The following TMCO5A variants were observed in gnomAD, a reference collection of about 807,000 sequenced individuals.
The protein encoded by TMCO5A is transmembrane and coiled-coil domain-containing protein 5A.
TMCO5A carries 34 observed loss-of-function variants against 42.3 expected under a neutral mutation model. The observed-to-expected ratio is 0.80, with a 90% confidence interval of 0.61 to 1.07. The LOEUF (loss-of-function observed/expected upper bound fraction) is 1.07, where lower values mean the gene tolerates loss of function less well. Ranked by LOEUF, TMCO5A falls within the 50% of genes least tolerant of loss-of-function variation. The pLI, the probability that TMCO5A is intolerant of heterozygous loss-of-function variation, is 0.00. For synonymous variants in TMCO5A, 131 were observed against 115.6 expected (o/e 1.13, Z -0.86); for missense variants, 357 against 327.9 (o/e 1.09, Z -0.69).
intron 10 of TMCO5A, chr15:37,943,703 C>G (rs1889837317): frequency 3.3e-6 from 1 of 302,186 alleles, no homozygotes; most frequent in Non-Finnish European, 6.3e-6. Flanking sequence ...TAGAAAGAGG[C>G]CAATATAGGG....
downstream of TMCO5A, among the ~76,000 whole-genome samples, chr15:37,956,391 T>TA: frequency 6.6e-6 from 1 of 151,624 alleles, no homozygotes; most frequent in Non-Finnish European, 1.5e-5. Flanking sequence ...ATAGACGCAA[T>TA]AAAAATCATA....
intron 11 of TMCO5A, among the ~76,000 whole-genome samples, chr15:37,959,902 A>T (rs1007574877): frequency 3.9e-5 from 6 of 152,044 alleles, no homozygotes; most frequent in Admixed American, 3.9e-4. Flanking sequence ...TTGTTTTCAG[A>T]TGATATTATA....
At chr15:37,991,858 A>C in the TMCO5A span, among the ~76,000 whole-genome samples, 1 of 152,282 alleles carries the variant, frequency 6.6e-6, no homozygotes, top group Admixed American at 6.5e-5. Context: ...AAACCAACTT[A>C]AGATGGATTA....
chr15:38,012,523 CGTG>C, the TMCO5A span, among the ~76,000 whole-genome samples: 1 of 149,318 alleles, frequency 6.7e-6, no homozygotes, highest in South Asian at 2.1e-4. Flanking sequence ...TAGGAGTAGT[CGTG>C]TGTGTGTGTG....
At chr15:38,010,425 T>TCTCTCTCACACA in the TMCO5A span, among the ~76,000 whole-genome samples, 1 of 117,442 alleles carries the variant, frequency 8.5e-6, no homozygotes, top group Non-Finnish European at 1.7e-5. Context: ...CAGAGGGAGA[T>TCTCTCTCACACA]CACACACACA....
chr15:38,032,316 C>T, the TMCO5A span, among the ~76,000 whole-genome samples: 4 of 152,170 alleles, frequency 2.6e-5, no homozygotes, highest in Non-Finnish European at 5.9e-5. Flanking sequence ...CCATCTGCCC[C>T]ACCAGATCAG....
chr15:37,996,314 G>A, the TMCO5A span, among the ~76,000 whole-genome samples: 2 of 152,146 alleles, frequency 1.3e-5, no homozygotes, highest in Admixed American at 1.3e-4. Context: ...AAGTGTTGCT[G>A]GGAATGAAAG....
chr15:37,954,418 T>C (rs183504655), downstream of TMCO5A, among the ~76,000 whole-genome samples: 10 of 152,220 alleles, frequency 6.6e-5, no homozygotes, highest in African/African-American at 1.4e-4. Context: ...AAATGCTAGA[T>C]GAAATAAACA....
At chr15:38,015,648 AACCAAGATGGC>A in the TMCO5A span, among the ~76,000 whole-genome samples, 3 of 152,254 alleles carry the variant, frequency 2.0e-5, no homozygotes, top group African/African-American at 7.2e-5. Context: ...GCTTGGAAGC[AACCAAGATGGC>A]GTTCAGTAGG....
At chr15:38,011,078 C>T in the TMCO5A span, among the ~76,000 whole-genome samples, 1 of 152,204 alleles carries the variant, frequency 6.6e-6, no homozygotes, top group Non-Finnish European at 1.5e-5. Context: ...TGTGACAAAA[C>T]TTAGTTACTT....
the TMCO5A span, among the ~76,000 whole-genome samples, chr15:38,036,571 C>T: frequency 6.6e-6 from 1 of 151,964 alleles, no homozygotes; most frequent in East Asian, 1.9e-4. Context: ...TCACTATTCT[C>T]AAACCAGCCA....
chr15:37,958,992 C>G (rs1400675339), intron 11 of TMCO5A, among the ~76,000 whole-genome samples: 1 of 151,852 alleles, frequency 6.6e-6, no homozygotes, highest in Non-Finnish European at 1.5e-5. Context: ...AGCTGGAAAC[C>G]ATCATTCTCA....
At chr15:38,033,618 T>A in the TMCO5A span, among the ~76,000 whole-genome samples, 1 of 143,428 alleles carries the variant, frequency 7.0e-6, no homozygotes, top group Non-Finnish European at 1.5e-5. Flanking sequence ...GTTTTTTTGT[T>A]TTGTTTTGTT....
the TMCO5A span, among the ~76,000 whole-genome samples, chr15:38,033,173 C>T: frequency 7.2e-5 from 11 of 152,176 alleles, no homozygotes; most frequent in African/African-American, 2.6e-4. Context: ...CGTGATCCAC[C>T]CGCCTCGGCC....
intron 9 of TMCO5A, chr15:37,943,088 G>A (rs1889807780): frequency 5.7e-6 from 2 of 348,426 alleles, no homozygotes; most frequent in Non-Finnish European, 1.1e-5. Context: ...TTCTAGAAAA[G>A]GTTGCCCAGT....
the TMCO5A span, among the ~76,000 whole-genome samples, chr15:38,027,615 G>C: frequency 1.3e-5 from 2 of 152,148 alleles, no homozygotes; most frequent in African/African-American, 4.8e-5. Context: ...GTTTTGAAAT[G>C]TGAGGACATG....
chr15:37,941,026 A>T, intron 6 of TMCO5A, 123 bp from the exon 7 acceptor site: 1 of 793,130 alleles, frequency 1.3e-6, no homozygotes, highest in African/African-American at 1.7e-5. Context: ...TTCCTCTATC[A>T]GGAGACGTGT....
At chr15:38,036,991 A>G in the TMCO5A span, among the ~76,000 whole-genome samples, 13 of 152,212 alleles carry the variant, frequency 8.5e-5, 1 homozygote, top group African/African-American at 3.1e-4. Context: ...CCTCTCATTT[A>G]AAAGGCATTT....
intron 8 of TMCO5A, 101 bp from the exon 9 acceptor site, chr15:37,942,090 C>A: frequency 1.8e-6 from 2 of 1,100,956 alleles, no homozygotes; most frequent in Non-Finnish European, 2.7e-6. Flanking sequence ...GTGGGAATAC[C>A]AAGCATTCAT....
Sources: gnomAD v4.1 joint callset for allele counts (sites outside exome capture counted in the v4.1 genomes callset) on GRCh38, gnomAD v4.1.1 for gene constraint, MANE v1.5 for transcripts, NCBI Gene and HGNC (gene_info 2026-07-23, HGNC 2026-07-21) for gene names.